The following DPYD variants were observed in gnomAD, a reference collection of about 807,000 sequenced individuals.
The protein encoded by DPYD is dihydropyrimidine dehydrogenase, also known as dihydropyrimidine dehydrogenase [NADP(+)].
Under a neutral mutation model 116.2 loss-of-function variants are expected in DPYD, and 109 were observed. The ratio of observed to expected loss-of-function variants is 0.94; its 90% confidence interval spans 0.80 to 1.10. DPYD has a LOEUF of 1.10. Ranked by LOEUF, DPYD falls within the 50% of genes least tolerant of loss-of-function variation. The probability of loss-of-function intolerance (pLI) is 0.00; values close to 1 mark genes in which losing one functional copy is unlikely to be tolerated. For missense variants in DPYD, 1,302 were observed against 1,254.5 expected, an observed-to-expected ratio of 1.04 and a Z score of -0.57; for synonymous variants, 440 against 432.0, an observed-to-expected ratio of 1.02 and a Z score of -0.23.
chr1:97,164,832 T>C (rs896082174), intron 20 of DPYD, among the ~76,000 whole-genome samples: 2 of 151,916 alleles, frequency 1.3e-5, no homozygotes, highest in African/African-American at 4.8e-5. Flanking sequence ...ATCAATGTTA[T>C]TAAAATGACC....
intron 3 of DPYD, among the ~76,000 whole-genome samples, chr1:97,767,561 G>C (rs1665932284): frequency 6.6e-6 from 1 of 152,118 alleles, no homozygotes. Context: ...GAGGATGAGA[G>C]ACGACAGGGA....
chr1:97,254,018 G>T (rs1045720788), intron 18 of DPYD, among the ~76,000 whole-genome samples: 4 of 152,030 alleles, frequency 2.6e-5, no homozygotes, highest in Non-Finnish European at 4.4e-5. Flanking sequence ...TATGCACACA[G>T]AACTCTATTA....
intron 16 of DPYD, among the ~76,000 whole-genome samples, chr1:97,311,568 G>T (rs1667522624): frequency 6.6e-6 from 1 of 151,644 alleles, no homozygotes. Context: ...AGAGTCTTTG[G>T]GAAACAGTTT....
At chr1:97,909,653 A>G (rs1229338010) in intron 1 of DPYD, among the ~76,000 whole-genome samples, 1 of 152,054 alleles carries the variant, frequency 6.6e-6, no homozygotes, top group African/African-American at 2.4e-5. Flanking sequence ...AAAGTTGACT[A>G]TATACACATC....
intron 8 of DPYD, among the ~76,000 whole-genome samples, chr1:97,619,586 G>A (rs971852560): frequency 1.3e-5 from 2 of 152,102 alleles, no homozygotes; most frequent in Non-Finnish European, 2.9e-5. Context: ...GGAAACACCG[G>A]TTACAAAGTT....
At chr1:97,336,959 A>C (rs536357104) in intron 16 of DPYD, among the ~76,000 whole-genome samples, 1 of 152,320 alleles carries the variant, frequency 6.6e-6, no homozygotes, top group South Asian at 2.1e-4. Flanking sequence ...TGTGCAGTAC[A>C]TGAAAAGGGA....
In DPYD at chr1:97,151,812, T is replaced by C. The variant is rs144920169; in HGVS notation, c.2622+41257A>G. ...CTTCAAATCCCTGTTCTTTCAATTTTACTGTTAATATGTTCCAAAATGCAT... is the reference window on the plus strand; with the variant it reads ...CTTCAAATCCCTGTTCTTTCAATTTCACTGTTAATATGTTCCAAAATGCAT... On this transcript the variant is annotated intron_variant, in intron 20 of 22. Coordinates refer to ENST00000370192, the MANE Select transcript of DPYD (RefSeq NM_000110.4). Among the ~76,000 whole-genome samples the C allele has an allele frequency of 1.4e-3, 206 of 152,352 alleles. 4 individuals are homozygous for C. The East Asian group carries it at 0.037, about 28-fold the overall frequency.
intron 14 of DPYD, among the ~76,000 whole-genome samples, chr1:97,436,714 A>C (rs1226715990): frequency 2.6e-5 from 4 of 152,078 alleles, no homozygotes; most frequent in African/African-American, 9.6e-5. Context: ...GCCAAAGCTT[A>C]ACAATCCAAC....
At chr1:97,368,228 G>A (rs1254599698) in intron 16 of DPYD, among the ~76,000 whole-genome samples, 1 of 152,098 alleles carries the variant, frequency 6.6e-6, no homozygotes, top group Non-Finnish European at 1.5e-5. Flanking sequence ...CTAGACAGGG[G>A]TCAGTAACAA....
intron 8 of DPYD, among the ~76,000 whole-genome samples, chr1:97,602,627 T>C (rs1304208044): frequency 6.6e-6 from 1 of 151,970 alleles, no homozygotes; most frequent in Non-Finnish European, 1.5e-5. Flanking sequence ...ATAGATTTTA[T>C]TTTGTTTAAC....
intron 2 of DPYD, among the ~76,000 whole-genome samples, chr1:97,863,348 G>C (rs1294484756): frequency 6.6e-6 from 1 of 151,848 alleles, no homozygotes; most frequent in Non-Finnish European, 1.5e-5. Context: ...ATTATAAATT[G>C]GTAATGCCTT....
At chr1:97,717,802 T>C (rs1048080171) in intron 5 of DPYD, among the ~76,000 whole-genome samples, 4 of 151,818 alleles carry the variant, frequency 2.6e-5, no homozygotes, top group African/African-American at 9.7e-5. Flanking sequence ...TGAGTAGTAT[T>C]CCATGGTGTG....
chr1:97,649,598 T>C (rs1050035228), intron 8 of DPYD, among the ~76,000 whole-genome samples: 1 of 152,082 alleles, frequency 6.6e-6, no homozygotes, highest in African/African-American at 2.4e-5. Flanking sequence ...TAAAATAATA[T>C]TTTTTCTTCA....
chr1:97,310,675 T>C (rs1470781202), intron 16 of DPYD, among the ~76,000 whole-genome samples: 1 of 151,772 alleles, frequency 6.6e-6, no homozygotes, highest in South Asian at 2.1e-4. Flanking sequence ...CCAACCACTT[T>C]GGAAATTAGT....
intron 16 of DPYD, among the ~76,000 whole-genome samples, chr1:97,320,987 G>C (rs1158208406): frequency 1.2e-5 from 1 of 84,332 alleles, no homozygotes; most frequent in African/African-American, 4.8e-5. Flanking sequence ...ATGGGGAAAG[G>C]ATTCCCTATT....
chr1:97,139,226 T>C (rs1654029814), intron 20 of DPYD, among the ~76,000 whole-genome samples: 1 of 152,176 alleles, frequency 6.6e-6, no homozygotes, highest in South Asian at 2.1e-4. Flanking sequence ...AAGTCAGTCA[T>C]GGTGCCTCAG....
intron 8 of DPYD, among the ~76,000 whole-genome samples, chr1:97,597,014 A>G (rs1055479805): frequency 6.6e-6 from 1 of 152,196 alleles, no homozygotes; most frequent in Non-Finnish European, 1.5e-5. Flanking sequence ...AACAGAAACA[A>G]TTATATAAAT....
chr1:97,518,707 G>C (rs534693320), intron 12 of DPYD, among the ~76,000 whole-genome samples: 1 of 151,996 alleles, frequency 6.6e-6, no homozygotes, highest in Admixed American at 6.6e-5. Flanking sequence ...TCATCCAGTA[G>C]TGTTAGTAAA....
At chr1:97,501,812 G>A (rs539626924) in intron 13 of DPYD, among the ~76,000 whole-genome samples, 4 of 152,076 alleles carry the variant, frequency 2.6e-5, no homozygotes, top group East Asian at 1.9e-4. Flanking sequence ...AGTCAGCTAC[G>A]AAGAAATCAC....
Sources: gnomAD v4.1 joint callset for allele counts (sites outside exome capture counted in the v4.1 genomes callset) on GRCh38, gnomAD v4.1.1 for gene constraint, MANE v1.5 for transcripts, NCBI Gene and HGNC (gene_info 2026-07-23, HGNC 2026-07-21) for gene names.